TIMM23: variants seen among roughly 807,000 people sequenced by gnomAD.
TIMM23 encodes the protein translocase of inner mitochondrial membrane 23, also known as mitochondrial import inner membrane translocase subunit Tim23.
In TIMM23, 19 loss-of-function variants were observed where a neutral mutation model predicts 30.7. That is an observed-to-expected ratio of 0.62 (90% CI 0.43 to 0.91). The LOEUF (loss-of-function observed/expected upper bound fraction) is 0.91. Among genes scored for constraint, TIMM23 ranks in the 40% least tolerant of loss-of-function variants. The probability of loss-of-function intolerance (pLI) is 0.00; values close to 1 mark genes in which losing one functional copy is unlikely to be tolerated. For synonymous variants in TIMM23, 78 were observed against 98.5 expected (o/e 0.79, Z 1.23); for missense variants, 202 against 269.2 (o/e 0.75, Z 1.75).
At position 45,982,863 on chromosome 10, in the gene TIMM23, A is replaced by T; in HGVS notation, c.277A>T (p.Met93Leu). Residue 93 changes from methionine to leucine, a missense_variant, in exon 4 of 7, where the codon ATG (methionine) becomes TTG (leucine). Transcript: ENST00000580018. ...TTTACCAGGGGCTGCGTTTGGTGCA[A>T]TGAATGGTCTTCGGCTAGGATTGAA... ...CCMTGAAFGA[M>L]NGLRLGLKET... 1 of 1,613,862 alleles carries T rather than the reference A, an allele frequency of 6.2e-7. No homozygotes were observed. The highest frequency in any genetic ancestry group is 2.2e-5 in the East Asian group (1 of 44,876).
At chr10:45,977,712 A>T (rs76774729) in intron 2 of TIMM23, among the ~76,000 whole-genome samples, 7 of 152,258 alleles carry the variant, frequency 4.6e-5, no homozygotes, top group Non-Finnish European at 5.9e-5. Context: ...ATCAGAATTT[A>T]AAAATTTTGT....
At chr10:46,001,558 GT>G (rs1329297523) in intron 6 of TIMM23, among the ~76,000 whole-genome samples, 2 of 152,130 alleles carry the variant, frequency 1.3e-5, no homozygotes, top group Non-Finnish European at 2.9e-5. Flanking sequence ...GAAATGGTTA[GT>G]TCTGAAATGT....
intron 4 of TIMM23, among the ~76,000 whole-genome samples, chr10:45,983,565 A>G (rs1409849166): frequency 1.3e-5 from 2 of 152,128 alleles, no homozygotes; most frequent in Admixed American, 1.3e-4. Context: ...TCCTTAAACA[A>G]TATGTTTAGT....
intron 2 of TIMM23, among the ~76,000 whole-genome samples, chr10:45,980,248 T>G: frequency 6.6e-6 from 1 of 151,216 alleles, no homozygotes; most frequent in East Asian, 1.9e-4. Context: ...GTCGTGACTT[T>G]GGCAACAACT....
Position 46,003,411 on chromosome 10 carries a change from A to C in TIMM23, c.*93A>C. 1.1e-6 allele frequency: 1 copy of C among 886,826 alleles called. No individual in the cohort carries two copies. The highest frequency in any genetic ancestry group is 1.7e-6 in the Non-Finnish European group (1 of 572,314). 54.9% of individuals were successfully genotyped at this position (886,826 alleles called of 1,614,324 possible). A position where few individuals can be genotyped will look rare whatever the true frequency, so the allele number is the denominator to read the frequency against. On this transcript the variant is annotated 3_prime_UTR_variant, in exon 7 of 7. Coordinates refer to ENST00000580018, the MANE Select transcript of TIMM23 (RefSeq NM_006327.4). ...GAGTTATTCTCTCTCTTCTACCTAC[A>C]ATTAGTTTGAAAAATTGGAGATTTT...
At chr10:45,985,150 T>C (rs1396550499) in intron 4 of TIMM23, among the ~76,000 whole-genome samples, 1 of 152,074 alleles carries the variant, frequency 6.6e-6, no homozygotes, top group South Asian at 2.1e-4. Context: ...TATTAAGGAC[T>C]TATATAAAAG....
chr10:45,975,631 A>T, intron 2 of TIMM23, 119 bp downstream of exon 2: 2 of 1,336,640 alleles, frequency 1.5e-6, no homozygotes, highest in South Asian at 2.5e-5. Flanking sequence ...TCTGGTCTCC[A>T]TTCACCCTTT....
intron 6 of TIMM23, among the ~76,000 whole-genome samples, chr10:45,990,256 G>A (rs1363883620): frequency 6.6e-6 from 1 of 151,468 alleles, no homozygotes; most frequent in African/African-American, 2.4e-5. Context: ...CTGAGTAGCT[G>A]GGACTGGAGG....
chr10:45,997,225 T>C (rs2132280708), intron 6 of TIMM23, among the ~76,000 whole-genome samples: 1 of 151,674 alleles, frequency 6.6e-6, no homozygotes, highest in African/African-American at 2.4e-5. Flanking sequence ...AAAAGAAAAA[T>C]GTGGTATATA....
intron 6 of TIMM23, among the ~76,000 whole-genome samples, chr10:45,993,397 C>A (rs1195792145): frequency 6.6e-6 from 1 of 151,958 alleles, no homozygotes; most frequent in African/African-American, 2.4e-5. Flanking sequence ...GAATTACACG[C>A]ATGCACCACG....
chr10:46,002,179 A>G (rs1277101719), intron 6 of TIMM23, among the ~76,000 whole-genome samples: 7 of 151,850 alleles, frequency 4.6e-5, no homozygotes, highest in African/African-American at 1.7e-4. Context: ...GATTATAGCT[A>G]TCTTACCACA....
intron 1 of TIMM23, among the ~76,000 whole-genome samples, chr10:45,973,782 T>G (rs1837575941): frequency 6.6e-6 from 1 of 151,516 alleles, no homozygotes; most frequent in South Asian, 2.1e-4. Context: ...TAGCTGGGAC[T>G]CTAGGTACGT....
Position 45,975,540 on chromosome 10 carries a change from G to A in TIMM23, c.165+28G>A, listed in dbSNP as rs1554912891. 19 of 1,612,984 alleles carry A rather than the reference G, an allele frequency of 1.2e-5. No individual in the cohort carries two copies. In the African/African-American group the frequency reaches 2.4e-4, roughly 20 times the overall value. On this transcript the variant is annotated intron_variant, in intron 2 of 6. Transcript: ENST00000580018. ...AAGATTAAGATTTTACTAGTTTGGT[G>A]CATTATTTTACCATTTTAAAAAAAA... is the stretch of plus-strand genomic sequence containing the variant.
At chr10:45,981,027 C>T (rs1453204870) in intron 2 of TIMM23, among the ~76,000 whole-genome samples, 2 of 146,160 alleles carry the variant, frequency 1.4e-5, no homozygotes, top group African/African-American at 5.1e-5. Context: ...GCAACCTCCA[C>T]CCCCGGGTTC....
In TIMM23 at chr10:45,972,724, G is replaced by A; in HGVS notation, c.100G>A (p.Val34Ile). The change falls in exon 1 of 7, where the codon GTC becomes ATC. Residue 34 changes from valine (V) to isoleucine (I), a missense_variant. Coordinates refer to ENST00000580018, the MANE Select transcript of TIMM23 (RefSeq NM_006327.4). ...AGYSHADLAG[V>I]PLTGMNPLSP... The stretch of plus-strand genomic sequence containing the variant: ...TTACTCGCACGCGGATTTGGCTGGC[G>A]TCCCGCGTAAGTATGGGGCCTAGCT... 1 of 1,613,912 alleles carries A rather than the reference G, an allele frequency of 6.2e-7. No homozygotes were observed. Among genetic ancestry groups the A allele is most frequent in the Non-Finnish European group, 8.5e-7 (1 of 1,179,852 alleles).
chr10:45,974,466 G>A (rs1837605610), intron 1 of TIMM23, among the ~76,000 whole-genome samples: 1 of 152,312 alleles, frequency 6.6e-6, no homozygotes, highest in South Asian at 2.1e-4. Flanking sequence ...GCAGGTTTAA[G>A]GAACAGCTCT....
rs1554918150 is a variant in TIMM23 at position 46,003,291 on chromosome 10, AG to A, written c.605del (p.Gly202AlafsTer15). The A allele has an allele frequency of 6.2e-7, 1 of 1,614,070 alleles. No homozygotes were observed. The highest frequency in any genetic ancestry group is 1.1e-5 in the South Asian group (1 of 91,086). On this transcript the variant is annotated frameshift_variant, in exon 7 of 7. Coordinates refer to ENST00000580018, the MANE Select transcript of TIMM23 (RefSeq NM_006327.4). LOFTEE classifies it high-confidence loss of function. ...ALYNNWEHMK[G>X]SLLQQSL ...TATATAATAACTGGGAGCACATGAA[AG>A]GCTCCTTGCTCCAACAGTCACTCTG...
chr10:45,997,950 GT>G (rs1295328843), intron 6 of TIMM23, among the ~76,000 whole-genome samples: 2 of 152,082 alleles, frequency 1.3e-5, no homozygotes, highest in Non-Finnish European at 2.9e-5. Context: ...AAAGAATAAA[GT>G]TTTTTTAAAA....
intron 5 of TIMM23, among the ~76,000 whole-genome samples, chr10:45,988,420 T>C (rs1838061521): frequency 6.6e-6 from 1 of 152,056 alleles, no homozygotes; most frequent in Non-Finnish European, 1.5e-5. Flanking sequence ...ATTAGAGTCC[T>C]GCTGTGGGGA....
Sources: allele counts gnomAD v4.1 joint callset (sites outside exome capture counted in the v4.1 genomes callset), GRCh38; gene constraint gnomAD v4.1.1; transcripts MANE v1.5; gene names NCBI Gene and HGNC (gene_info 2026-07-23, HGNC 2026-07-21).